MAD1L1: variants seen among roughly 807,000 people sequenced by gnomAD.
The protein encoded by MAD1L1 is mitotic spindle assembly checkpoint protein MAD1.
MAD1L1 carries 95 observed loss-of-function variants against 96.9 expected under a neutral mutation model. That is an observed-to-expected ratio of 0.98 (90% confidence interval 0.83 to 1.16). MAD1L1 has a LOEUF of 1.16. Ranked by LOEUF, MAD1L1 falls within the 50% of genes most tolerant of loss-of-function variation. The pLI, the probability that MAD1L1 is intolerant of heterozygous loss-of-function variation, is 0.00. For synonymous variants in MAD1L1, 473 were observed against 396.6 expected (o/e 1.19, Z -2.29); for missense variants, 1,007 against 954.4 (o/e 1.06, Z -0.73).
intron 11 of MAD1L1, among the ~76,000 whole-genome samples, chr7:2,145,168 G>A (rs566566622): frequency 1.3e-5 from 2 of 152,162 alleles, no homozygotes; most frequent in Non-Finnish European, 2.9e-5. Context: ...ACGTCCCGGG[G>A]ACTGCCGAGA....
chr7:2,081,683 G>A (rs1785655640), intron 11 of MAD1L1, among the ~76,000 whole-genome samples: 1 of 152,254 alleles, frequency 6.6e-6, no homozygotes, highest in South Asian at 2.1e-4. Flanking sequence ...CGCCGTCACT[G>A]TTCCAGCCCC....
Position 1,921,316 on chromosome 7 carries a change from CT to C in MAD1L1, c.1807+15370del, listed in dbSNP as rs1197327838. On this transcript the variant is annotated intron_variant, in intron 17 of 18. Coordinates refer to ENST00000265854, the MANE Select transcript of MAD1L1 (RefSeq NM_001013836.2). ...ACCTTTTTTTTGAATTTGACTAATT[CT>C]TTTTTTTTTTTTCTTTTTGGAGACA... 6.8e-3 allele frequency among the ~76,000 whole-genome samples: 986 copies of C among 145,664 alleles called. 5 individuals are homozygous for C. The highest frequency in any genetic ancestry group is 0.016 in the African/African-American group (651 of 39,864).
intron 15 of MAD1L1, among the ~76,000 whole-genome samples, chr7:1,974,943 C>A (rs1780567318): frequency 6.6e-6 from 1 of 152,220 alleles, no homozygotes; most frequent in African/African-American, 2.4e-5. Context: ...CCCTGAGGAC[C>A]CAAGCTGCAG....
Position 1,826,070 on chromosome 7 carries a change from G to A in MAD1L1, c.1999-9842C>T, listed in dbSNP as rs534537848. On this transcript the variant is annotated intron_variant, in intron 18 of 18. Transcript: ENST00000265854. ...ACGTCAAGACCGTGCTGAGCCTGCC[G>A]GGTACAGCGTGAAAATGGCTGGTGC... Among the ~76,000 whole-genome samples, 27 of 152,280 alleles carry A rather than the reference G, an allele frequency of 1.8e-4. No homozygotes were observed. The East Asian group carries it at 4.6e-3, about 26-fold the overall frequency.
At chr7:1,985,705 G>A (rs1781107343) in intron 14 of MAD1L1, among the ~76,000 whole-genome samples, 1 of 152,180 alleles carries the variant, frequency 6.6e-6, no homozygotes, top group Admixed American at 6.5e-5. Flanking sequence ...CAATTCAGGA[G>A]ATGGAACTCT....
At chr7:2,033,944 T>G (rs910822671) in intron 12 of MAD1L1, among the ~76,000 whole-genome samples, 5 of 152,110 alleles carry the variant, frequency 3.3e-5, no homozygotes, top group South Asian at 4.1e-4. Context: ...AATTTTTTTT[T>G]AATTAGCCAG....
intron 12 of MAD1L1, among the ~76,000 whole-genome samples, chr7:2,019,777 C>T (rs1025922141): frequency 1.3e-5 from 2 of 152,190 alleles, no homozygotes; most frequent in African/African-American, 2.4e-5. Context: ...CATGAGGCGG[C>T]GTCCCTGTGC....
chr7:2,143,877 T>C lies in MAD1L1; in HGVS notation c.1073+5275A>G, dbSNP rs556915561. 3.0e-4 allele frequency among the ~76,000 whole-genome samples: 46 copies of C among 152,290 alleles called. No individual in the cohort carries two copies. The East Asian group carries it at 8.5e-3, about 28-fold the overall frequency. On this transcript the variant is annotated intron_variant, in intron 11 of 18. Transcript: ENST00000265854. ...GCAGACCCCAACATGAAGAGCTCCATCTGCATCCACGGCCCTCAGGGGCTC... is the reference window on the plus strand; with the variant it reads ...GCAGACCCCAACATGAAGAGCTCCACCTGCATCCACGGCCCTCAGGGGCTC...
At chr7:1,818,820 TG>T (rs1409564305) in intron 18 of MAD1L1, among the ~76,000 whole-genome samples, 2 of 148,818 alleles carry the variant, frequency 1.3e-5, no homozygotes, top group Non-Finnish European at 3.0e-5. Context: ...CAGGCGGCTC[TG>T]GAAGAATGAT....
chr7:1,936,669 G>A lies in MAD1L1; in HGVS notation c.1807+18C>T. 6.5e-7 allele frequency: 1 copy of A among 1,545,156 alleles called. No individual in the cohort carries two copies. The highest frequency in any genetic ancestry group is 8.7e-7 in the Non-Finnish European group (1 of 1,146,544). ...GGAAGGTCGAGGATGGCAGGGACCG[G>A]GGGTGGGGGGTGCCTACCTGCCACC... On this transcript the variant is annotated intron_variant, in intron 17 of 18. Transcript: ENST00000265854.
At chr7:1,912,533 A>G (rs1788087667) in intron 17 of MAD1L1, among the ~76,000 whole-genome samples, 1 of 152,184 alleles carries the variant, frequency 6.6e-6, no homozygotes, top group African/African-American at 2.4e-5. Context: ...CTCCTGGCAC[A>G]GGCAGGGCTG....
intron 10 of MAD1L1, among the ~76,000 whole-genome samples, chr7:2,155,548 G>C (rs116728691): frequency 6.6e-6 from 1 of 152,168 alleles, no homozygotes; most frequent in Non-Finnish European, 1.5e-5. Context: ...AGCCACATGA[G>C]TGGAGCCATA....
chr7:1,833,441 A>T (rs1163722369), intron 18 of MAD1L1, among the ~76,000 whole-genome samples: 2 of 152,258 alleles, frequency 1.3e-5, no homozygotes, highest in Non-Finnish European at 2.9e-5. Context: ...ATAGTCAGAG[A>T]TGTCAATATT....
At position 1,968,778 on chromosome 7, in the gene MAD1L1, G is replaced by A. The variant is rs1023406157; in HGVS notation, c.1506-11059C>T. ...CATCACACAAGCTCGCTTCGGGGGC[G>A]TTCTAGGGACTCCTAAACATACTGA... On this transcript the variant is annotated intron_variant, in intron 15 of 18. Coordinates refer to ENST00000265854, the MANE Select transcript of MAD1L1 (RefSeq NM_001013836.2). The surrounding 1 kb of genome is among the most constrained non-coding windows in gnomAD (Gnocchi z 5.6). Among the ~76,000 whole-genome samples the A allele has an allele frequency of 3.3e-5, 5 of 152,354 alleles. No homozygotes were observed. Among genetic ancestry groups the A allele is most frequent in the East Asian group, 3.9e-4 (2 of 5,186 alleles).
chr7:2,200,798 C>T (rs897261493), intron 10 of MAD1L1, among the ~76,000 whole-genome samples: 12 of 152,250 alleles, frequency 7.9e-5, no homozygotes, highest in African/African-American at 2.7e-4. Context: ...GGCTGGTCCA[C>T]CCTTCGGCCC....
At chr7:2,138,094 A>T (rs188274784) in intron 11 of MAD1L1, among the ~76,000 whole-genome samples, 17 of 152,338 alleles carry the variant, frequency 1.1e-4, no homozygotes, top group African/African-American at 3.8e-4. Flanking sequence ...GGCTGCACCC[A>T]CGCTGCGCTC....
At chr7:2,064,825 CAGGACAGCGGCTTCTCCT>C (rs1268250287) in intron 12 of MAD1L1, among the ~76,000 whole-genome samples, 3 of 106,390 alleles carry the variant, frequency 2.8e-5, no homozygotes, top group African/African-American at 9.0e-5. Context: ...CGGCTTCTCC[CAGGACAGCGGCTTCTCCT>C]AGGAGGACAG....
At chr7:2,187,945 A>T (rs942455856) in intron 10 of MAD1L1, among the ~76,000 whole-genome samples, 2 of 152,220 alleles carry the variant, frequency 1.3e-5, no homozygotes, top group Non-Finnish European at 2.9e-5. Context: ...CCAAACACAT[A>T]TCTAAATTCT....
In MAD1L1 at chr7:1,978,598, C is replaced by T. The variant is rs139429570; in HGVS notation, c.1505+1855G>A. Among the ~76,000 whole-genome samples, 233 of 152,298 alleles carry T rather than the reference C, an allele frequency of 1.5e-3. 1 individual carries two copies. Among genetic ancestry groups the T allele is most frequent in the African/African-American group, 5.4e-3 (223 of 41,566 alleles). On this transcript the variant is annotated intron_variant, in intron 15 of 18. Coordinates refer to ENST00000265854, the MANE Select transcript of MAD1L1 (RefSeq NM_001013836.2). ...CTCACCATGGCACCTGCCCGGTCTC[C>T]AGCTTCCCCCACCCCACACCCACAC...
Sources: allele counts gnomAD v4.1 joint callset (sites outside exome capture counted in the v4.1 genomes callset), GRCh38; gene constraint gnomAD v4.1.1; non-coding constraint Gnocchi (gnomAD v3.1); transcripts MANE v1.5; gene names NCBI Gene and HGNC (gene_info 2026-07-23, HGNC 2026-07-21).